Variants in RNFT2 observed in about 807,000 individuals in gnomAD.
RNFT2 encodes ring finger protein, transmembrane 2.
Under a neutral mutation model 53.0 loss-of-function variants are expected in RNFT2, and 36 were observed. The ratio of observed to expected loss-of-function variants is 0.68; its 90% CI spans 0.52 to 0.90. RNFT2 has a LOEUF of 0.90. Among genes scored for constraint, RNFT2 ranks in the 40% least tolerant of loss-of-function variants. The pLI is 0.00. For synonymous variants in RNFT2, 260 were observed against 253.2 expected, an observed-to-expected ratio of 1.03 and a Z score of -0.26; for missense variants, 514 against 585.6, an observed-to-expected ratio of 0.88 and a Z score of 1.26.
rs377637137 is a variant in RNFT2, at chr12:116,761,311, GCT to G, written c.628-5502_628-5501del. Among the ~76,000 whole-genome samples the G allele has an allele frequency of 2.4e-3, 366 of 152,158 alleles. 3 individuals are homozygous for G. Among genetic ancestry groups the G allele is most frequent in the African/African-American group, 8.6e-3 (358 of 41,516 alleles). ...CTACAGACACACACCACCACGCCTA[GCT>G]AATTTTGTATTTTTAGTAGAGACGG... On this transcript the variant is annotated intron_variant, in intron 5 of 10. Transcript: ENST00000257575.
intron 7 of RNFT2, among the ~76,000 whole-genome samples, chr12:116,806,179 G>A (rs1025757332): frequency 4.0e-5 from 6 of 151,866 alleles, no homozygotes; most frequent in Admixed American, 6.6e-5. Context: ...CCAGGAGTTC[G>A]AGACCAGCCT....
chr12:116,830,970 A>G (rs1285682378), intron 7 of RNFT2, among the ~76,000 whole-genome samples: 1 of 151,742 alleles, frequency 6.6e-6, no homozygotes, highest in East Asian at 1.9e-4. Context: ...CCCATGTTAC[A>G]TTATTTGTCA....
At chr12:116,808,002 C>T (rs1875169239) in intron 7 of RNFT2, among the ~76,000 whole-genome samples, 1 of 152,160 alleles carries the variant, frequency 6.6e-6, no homozygotes, top group African/African-American at 2.4e-5. Flanking sequence ...CAGTTTCGCT[C>T]TTGTTGCCCA....
In RNFT2 at chr12:116,798,784, C is replaced by A. The variant is rs569651256; in HGVS notation, c.882+19436C>A. Among the ~76,000 whole-genome samples, 305 of 152,210 alleles carry A rather than the reference C, an allele frequency of 2.0e-3. 2 individuals carry two copies. Among genetic ancestry groups the A allele is most frequent in the Non-Finnish European group, 2.9e-3 (199 of 68,022 alleles). ...AGAGACGGGGTTTCACCATGTTGCCCAGGCTGGGCTCGAACTCCTAAGCTC... is the reference window on the plus strand; with the variant it reads ...AGAGACGGGGTTTCACCATGTTGCCAAGGCTGGGCTCGAACTCCTAAGCTC... On this transcript the variant is annotated intron_variant, in intron 7 of 10. Coordinates refer to ENST00000257575, the MANE Select transcript of RNFT2 (RefSeq NM_001382266.1).
At chr12:116,776,916 A>ACTT (rs1873454339) in intron 6 of RNFT2, among the ~76,000 whole-genome samples, 1 of 125,928 alleles carries the variant, frequency 7.9e-6, no homozygotes, top group East Asian at 2.3e-4. Flanking sequence ...TCAAAATGGG[A>ACTT]TTTTTTTTTT....
At chr12:116,811,457 C>T (rs1378500074) in intron 7 of RNFT2, among the ~76,000 whole-genome samples, 2 of 151,678 alleles carry the variant, frequency 1.3e-5, no homozygotes, top group Non-Finnish European at 2.9e-5. Context: ...CTCACTGCAA[C>T]CTCTGTTTCC....
intron 7 of RNFT2, among the ~76,000 whole-genome samples, chr12:116,805,595 C>T (rs779895591): frequency 2.6e-5 from 4 of 152,174 alleles, no homozygotes; most frequent in Non-Finnish European, 5.9e-5. Flanking sequence ...GTGCCTCAGC[C>T]TCCTGAGTAG....
intron 6 of RNFT2, among the ~76,000 whole-genome samples, chr12:116,768,254 C>T (rs912688668): frequency 6.6e-6 from 1 of 152,020 alleles, no homozygotes; most frequent in Non-Finnish European, 1.5e-5. Context: ...GCACCTGCCA[C>T]CATGCCCAGC....
At chr12:116,765,835 T>C (rs1872889931) in intron 5 of RNFT2, among the ~76,000 whole-genome samples, 1 of 152,140 alleles carries the variant, frequency 6.6e-6, no homozygotes, top group South Asian at 2.1e-4. Flanking sequence ...GAATGGTCAG[T>C]CCAGGGCAGC....
intron 7 of RNFT2, among the ~76,000 whole-genome samples, chr12:116,832,581 G>A (rs1009451427): frequency 2.0e-5 from 3 of 152,124 alleles, no homozygotes; most frequent in African/African-American, 7.2e-5. Flanking sequence ...AGCTCAGACT[G>A]GAATTTCTGG....
chr12:116,769,141 C>T (rs1357462384), intron 6 of RNFT2, among the ~76,000 whole-genome samples: 1 of 151,934 alleles, frequency 6.6e-6, no homozygotes, highest in African/African-American at 2.4e-5. Context: ...GGGCAGATCA[C>T]GAGGTCAGGA....
At chr12:116,813,341 T>C (rs575301436) in intron 7 of RNFT2, among the ~76,000 whole-genome samples, 3 of 152,322 alleles carry the variant, frequency 2.0e-5, no homozygotes, top group Admixed American at 6.5e-5. Context: ...GTGTTTTGAA[T>C]GCCTCTTAGG....
intron 7 of RNFT2, among the ~76,000 whole-genome samples, chr12:116,816,675 T>G (rs75903102): frequency 0.046 from 7,055 of 152,246 alleles, 356 homozygotes; most frequent in East Asian, 0.14. Flanking sequence ...GGCAAAATGG[T>G]GAACTTCTCT....
chr12:116,740,541 A>T lies in RNFT2; in HGVS notation c.24+20A>T, dbSNP rs754120178. On this transcript the variant is annotated intron_variant, in intron 2 of 10. Coordinates refer to ENST00000257575, the MANE Select transcript of RNFT2 (RefSeq NM_001382266.1). ...AATCAGGTGACACGTCTCCAAGAGA[A>T]TTTGCATCTTTATTACTACTTGATT... is the stretch of plus-strand genomic sequence containing the variant. 1 of 1,561,584 alleles carries T rather than the reference A, an allele frequency of 6.4e-7. No individual in the cohort carries two copies. Among genetic ancestry groups the T allele is most frequent in the Non-Finnish European group, 8.7e-7 (1 of 1,151,550 alleles).
rs1174213664 is a variant in RNFT2, at chr12:116,849,497, G to A, written c.*49G>A. 28 of 1,540,778 alleles carry A rather than the reference G, an allele frequency of 1.8e-5. No homozygotes were observed. Among genetic ancestry groups the A allele is most frequent in the South Asian group, 7.1e-5 (6 of 84,140 alleles). ...AAGGACGCCAAGGGTCAGCATGCCC[G>A]GACCCAGCCCTGCGGGGGCTTCCTG... is the stretch of plus-strand genomic sequence containing the variant. On this transcript the variant is annotated 3_prime_UTR_variant, in exon 11 of 11. Coordinates refer to ENST00000257575, the MANE Select transcript of RNFT2 (RefSeq NM_001382266.1).
At chr12:116,840,842 T>G in intron 10 of RNFT2, among the ~76,000 whole-genome samples, 1 of 152,136 alleles carries the variant, frequency 6.6e-6, no homozygotes, top group East Asian at 1.9e-4. Context: ...CGATATTCAG[T>G]ATTAGTGTTT....
intron 7 of RNFT2, among the ~76,000 whole-genome samples, chr12:116,816,028 T>A (rs1875640194): frequency 6.6e-6 from 1 of 152,184 alleles, no homozygotes; most frequent in Admixed American, 6.5e-5. Context: ...GCTTGGGCAG[T>A]TTAGCCCAGA....
chr12:116,770,354 A>G (rs1363164230), intron 6 of RNFT2, among the ~76,000 whole-genome samples: 1 of 152,204 alleles, frequency 6.6e-6, no homozygotes, highest in East Asian at 1.9e-4. Context: ...TATATCATAT[A>G]GCCTAGATGT....
intron 7 of RNFT2, chr12:116,801,446 C>T (rs1281978036): frequency 1.3e-5 from 2 of 152,184 alleles, no homozygotes; most frequent in Non-Finnish European, 2.9e-5. Context: ...ATACTATACC[C>T]TAAAATTAAA....
Sources: allele counts gnomAD v4.1 joint callset (sites outside exome capture counted in the v4.1 genomes callset), GRCh38; gene constraint gnomAD v4.1.1; transcripts MANE v1.5; gene names NCBI Gene and HGNC (gene_info 2026-07-23, HGNC 2026-07-21).